The following LPP variants were observed in gnomAD, a reference collection of about 807,000 sequenced individuals.
LPP encodes lipoma-preferred partner.
LPP carries 38 observed loss-of-function variants against 60.4 expected under a neutral mutation model. The observed-to-expected ratio is 0.63, with a 90% CI of 0.49 to 0.83. The LOEUF is 0.83. Ranked by LOEUF, LPP falls within the 40% of genes least tolerant of loss-of-function variation. LPP has a pLI of 0.00. For synonymous variants in LPP, 328 were observed against 290.8 expected, an observed-to-expected ratio of 1.13 and a Z score of -1.30; for missense variants, 902 against 783.6, an observed-to-expected ratio of 1.15 and a Z score of -1.80.
rs571465500 is a variant in LPP at position 188,877,440 on chromosome 3, C to G, written c.*2961C>G. 1 of 186,588 alleles carries G rather than the reference C, an allele frequency of 5.4e-6. No individual in the cohort carries two copies. The highest frequency in any genetic ancestry group is 2.0e-3 in the Middle Eastern group (1 of 504). The allele number at this position is 186,588 out of a possible 1,614,324, so 11.6% of individuals were successfully genotyped here. On this transcript the variant is annotated 3_prime_UTR_variant, in exon 12 of 12. Coordinates refer to ENST00000617246, the MANE Select transcript of LPP (RefSeq NM_001375462.1). Reference sequence around the variant, plus strand: ...AGACATGGAAAAGGAAAAAAATCCACTATATCATGGGCTCTGCAGAACATA... The same window carrying G: ...AGACATGGAAAAGGAAAAAAATCCAGTATATCATGGGCTCTGCAGAACATA...
intron 1 of LPP, among the ~76,000 whole-genome samples, chr3:188,175,038 A>G (rs1722674671): frequency 6.6e-6 from 1 of 152,192 alleles, no homozygotes; most frequent in Admixed American, 6.5e-5. Context: ...GACAGGTTTG[A>G]CACTGCTGAC....
At chr3:188,764,892 AC>A (rs1483834503) in intron 9 of LPP, among the ~76,000 whole-genome samples, 1 of 152,140 alleles carries the variant, frequency 6.6e-6, no homozygotes, top group African/African-American at 2.4e-5. Flanking sequence ...AATCCAAATG[AC>A]TAAAGGGCCT....
At chr3:188,163,907 C>A (rs1435554035) in intron 1 of LPP, among the ~76,000 whole-genome samples, 1 of 148,078 alleles carries the variant, frequency 6.8e-6, no homozygotes, top group Non-Finnish European at 1.5e-5. Context: ...GCCAGGATGG[C>A]ACCACTGCAC....
At chr3:188,272,253 A>T (rs1738006290) in intron 2 of LPP, among the ~76,000 whole-genome samples, 1 of 152,168 alleles carries the variant, frequency 6.6e-6, no homozygotes, top group African/African-American at 2.4e-5. Flanking sequence ...AAAAGCATGA[A>T]TTTAATATAT....
At chr3:188,717,031 A>T (rs929248301) in intron 8 of LPP, among the ~76,000 whole-genome samples, 17 of 152,192 alleles carry the variant, frequency 1.1e-4, no homozygotes, top group Non-Finnish European at 2.5e-4. Flanking sequence ...TACAAAATAG[A>T]CAGTGTGTTT....
At chr3:188,803,044 G>GTTTT (rs1560224621) in intron 9 of LPP, among the ~76,000 whole-genome samples, 1 of 105,682 alleles carries the variant, frequency 9.5e-6, no homozygotes, top group Non-Finnish European at 2.2e-5. Flanking sequence ...TGTTGTATAT[G>GTTTT]CTTTTTTTTT....
At chr3:188,242,480 T>A (rs989979638) in intron 2 of LPP, among the ~76,000 whole-genome samples, 1 of 152,086 alleles carries the variant, frequency 6.6e-6, no homozygotes, top group East Asian at 1.9e-4. Flanking sequence ...AGCTCTGTCA[T>A]AGCCACCTGT....
At chr3:188,470,600 A>G (rs1300223659) in intron 4 of LPP, among the ~76,000 whole-genome samples, 1 of 152,078 alleles carries the variant, frequency 6.6e-6, no homozygotes, top group East Asian at 1.9e-4. Context: ...ATTCCACAAG[A>G]TCCACCTTGA....
chr3:188,664,712 C>T (rs1347205526), intron 7 of LPP, among the ~76,000 whole-genome samples: 7 of 151,872 alleles, frequency 4.6e-5, no homozygotes, highest in African/African-American at 1.2e-4. Context: ...ATTTAAATAA[C>T]GTTGAGGTTA....
At chr3:188,308,148 T>A (rs1752138193) in intron 2 of LPP, among the ~76,000 whole-genome samples, 1 of 152,164 alleles carries the variant, frequency 6.6e-6, no homozygotes, top group Non-Finnish European at 1.5e-5. Flanking sequence ...TTCTCTTCTC[T>A]TTCTAGGAAA....
intron 1 of LPP, among the ~76,000 whole-genome samples, chr3:188,197,604 C>G (rs922451433): frequency 6.6e-6 from 1 of 152,174 alleles, no homozygotes; most frequent in African/African-American, 2.4e-5. Flanking sequence ...AATGAGTCAT[C>G]TCAGGCCCTA....
chr3:188,827,318 A>G (rs1351471661), intron 9 of LPP, among the ~76,000 whole-genome samples: 5 of 152,220 alleles, frequency 3.3e-5, no homozygotes, highest in African/African-American at 1.2e-4. Flanking sequence ...TGAGACACAC[A>G]TATTAGACAC....
intron 7 of LPP, among the ~76,000 whole-genome samples, chr3:188,657,602 G>C (rs1853581837): frequency 6.6e-6 from 1 of 151,884 alleles, no homozygotes; most frequent in African/African-American, 2.4e-5. Context: ...TCCAGAGCCT[G>C]ATATCTATGG....
chr3:188,214,200 G>A (rs1712564093), intron 1 of LPP, among the ~76,000 whole-genome samples: 2 of 151,652 alleles, frequency 1.3e-5, no homozygotes, highest in Non-Finnish European at 2.9e-5. Context: ...GCGCGATCTC[G>A]GCTCACTGCA....
At chr3:188,504,082 A>G (rs183734117) in intron 5 of LPP, among the ~76,000 whole-genome samples, 183 of 152,234 alleles carry the variant, frequency 1.2e-3, no homozygotes, top group African/African-American at 3.9e-3. Context: ...ATACTTTGGT[A>G]TAGTTGATTG....
chr3:188,344,085 G>A (rs547753584), intron 3 of LPP, among the ~76,000 whole-genome samples: 1 of 152,308 alleles, frequency 6.6e-6, no homozygotes, highest in Admixed American at 6.5e-5. Context: ...GATACCTAAT[G>A]TTCTTTAATA....
At chr3:188,863,779 C>T (rs983195154) in intron 9 of LPP, among the ~76,000 whole-genome samples, 2 of 151,954 alleles carry the variant, frequency 1.3e-5, no homozygotes, top group Non-Finnish European at 2.9e-5. Context: ...GTTTGTATTA[C>T]CTGTTCTTTG....
intron 5 of LPP, among the ~76,000 whole-genome samples, chr3:188,490,355 A>G (rs979019597): frequency 6.6e-6 from 1 of 152,190 alleles, no homozygotes; most frequent in Non-Finnish European, 1.5e-5. Context: ...TGTGAAAACA[A>G]TTCAAAGCTC....
intron 5 of LPP, among the ~76,000 whole-genome samples, chr3:188,492,179 G>A (rs1055278070): frequency 1.3e-5 from 2 of 152,272 alleles, no homozygotes; most frequent in South Asian, 2.1e-4. Flanking sequence ...TAGCTCCTGA[G>A]TTTCTGTATA....
Sources: allele counts gnomAD v4.1 joint callset (sites outside exome capture counted in the v4.1 genomes callset), GRCh38; gene constraint gnomAD v4.1.1; transcripts MANE v1.5; gene names NCBI Gene and HGNC (gene_info 2026-07-23, HGNC 2026-07-21).